The following VASH2 variants were observed in gnomAD, a reference collection of about 807,000 sequenced individuals.
VASH2 encodes tubulinyl-Tyr carboxypeptidase 2.
VASH2 carries 28 observed loss-of-function variants against 37.2 expected under a neutral mutation model. The ratio of observed to expected loss-of-function variants is 0.75; its 90% confidence interval spans 0.56 to 1.03. The LOEUF is 1.03. Among genes scored for constraint, VASH2 ranks in the 50% least tolerant of loss-of-function variants. The pLI is 0.00. For missense variants in VASH2, 419 were observed against 459.1 expected (o/e 0.91, Z 0.80); for synonymous variants, 188 against 174.7 (o/e 1.08, Z -0.60).
intron 2 of VASH2, chr1:212,952,409 ACT>A (rs139389133): frequency 4.0e-5 from 6 of 151,070 alleles, no homozygotes; most frequent in Admixed American, 2.6e-4. Context: ...AAAACGGTGA[ACT>A]CTCTCTCTCT....
intron 6 of VASH2, 86 bp from the exon 7 acceptor site, chr1:212,973,869 G>C: frequency 6.6e-7 from 1 of 1,511,952 alleles, no homozygotes; most frequent in South Asian, 1.3e-5. Flanking sequence ...TGATTGGGCT[G>C]GGGGGTGGAA....
At chr1:212,968,834 T>C in intron 5 of VASH2, 1 of 985,426 alleles carries the variant, frequency 1.0e-6, no homozygotes. Flanking sequence ...GCCCAGGCCC[T>C]TCATGGGGTA....
chr1:212,977,283 T>G (rs1450048369), intron 7 of VASH2, among the ~76,000 whole-genome samples: 1 of 152,212 alleles, frequency 6.6e-6, no homozygotes, highest in African/African-American at 2.4e-5. Flanking sequence ...TTGAGCAAGC[T>G]GCTTCTCTGT....
At chr1:212,982,909 A>C (rs1465633153) in intron 7 of VASH2, among the ~76,000 whole-genome samples, 1 of 152,212 alleles carries the variant, frequency 6.6e-6, no homozygotes, top group Non-Finnish European at 1.5e-5. Context: ...ATGAGTAGGC[A>C]GGTTCCCCAC....
Position 212,951,749 on chromosome 1 carries a change from C to A in VASH2, c.207C>A (p.His69Gln), listed in dbSNP as rs1466358524. The A allele has an allele frequency of 2.5e-6, 4 of 1,608,288 alleles. No individual in the cohort carries two copies. Among genetic ancestry groups the A allele is most frequent in the East Asian group, 2.2e-5 (1 of 44,672 alleles). The change falls in exon 2 of 8, where the codon CAC (histidine) becomes CAA (glutamine). Residue 69 changes from histidine (H) to glutamine (Q), a missense_variant. His to Gln is a conservative substitution (Grantham distance 24). Transcript: ENST00000517399. This position sits in a 1 kb window ranked among gnomAD's most constrained non-coding sequence, Gnocchi z 4.4. The stretch of plus-strand genomic sequence containing the variant: ...ACACCTGGGAGCGCATGTGGATGCA[C>A]GTGGCCAAGGTGCACCCTAAGGGGG... ...DSHTWERMWMHVAKVHPKGGE... is the reference protein window; with the variant it reads ...DSHTWERMWMQVAKVHPKGGE...
chr1:212,985,106 C>G (rs1055422452), intron 7 of VASH2, among the ~76,000 whole-genome samples: 40 of 151,806 alleles, frequency 2.6e-4, no homozygotes, highest in South Asian at 2.1e-4. Flanking sequence ...ACCGCAACCT[C>G]CACCTCCTAG....
chr1:212,973,832 C>A (rs1476639146), intron 6 of VASH2, 123 bp from the exon 7 acceptor site: 1 of 1,444,024 alleles, frequency 6.9e-7, no homozygotes, highest in Non-Finnish European at 9.1e-7. Flanking sequence ...AGTCTTCCTG[C>A]TCAATGCCTT....
rs147838895 is a variant in VASH2 at position 212,951,771 on chromosome 1, G to A, written c.229G>A (p.Gly77Arg). The A allele has an allele frequency of 3.5e-5, 57 of 1,608,976 alleles. No homozygotes were observed. The highest frequency in any genetic ancestry group is 5.1e-5 in the Admixed American group (3 of 59,264). Residue 77 changes from glycine (G) to arginine (R), a missense_variant, in exon 2 of 8, where the codon GGG becomes AGG. By Grantham distance (125) the Gly-to-Arg change is moderately radical. This residue lies in a region of VASH2 where 158 missense variants were observed against 163.0 expected (regional missense o/e 0.97). Transcript: ENST00000517399. This position sits in a 1 kb window ranked among gnomAD's most constrained non-coding sequence, Gnocchi z 4.4. The stretch of plus-strand genomic sequence containing the variant: ...GCACGTGGCCAAGGTGCACCCTAAG[G>A]GGGGAGAAATGGTGGGCGCCATCAG... Reference protein sequence around the residue: ...WMHVAKVHPKGGEMVGAIRNA... With the variant: ...WMHVAKVHPKRGEMVGAIRNA...
rs543533201 is a variant in VASH2, at chr1:212,988,350, CAAG to C, written c.996-158_996-156del. On this transcript the variant is annotated intron_variant, in intron 7 of 7. Coordinates refer to ENST00000517399, the MANE Select transcript of VASH2 (RefSeq NM_001301056.2). ...AAACCTTTAAAGGTGGACTTAAGAA[CAAG>C]AAGTAGAGTTGTGAGCTAAGGCTGG... Among the ~76,000 whole-genome samples, 5 of 152,232 alleles carry C rather than the reference CAAG, an allele frequency of 3.3e-5. No homozygotes were observed. The South Asian group carries it at 6.2e-4, about 19-fold the overall frequency.
chr1:212,972,556 C>T (rs1319380408), intron 5 of VASH2, 24 bp from the exon 6 acceptor site: 2 of 1,596,460 alleles, frequency 1.3e-6, no homozygotes, highest in African/African-American at 2.7e-5. Context: ...CCTCCTTTCT[C>T]TTCCTTGACT....
At chr1:212,966,240 C>T (rs1291502387) in intron 4 of VASH2, 31 bp from the exon 5 acceptor site, 3 of 1,542,970 alleles carry the variant, frequency 1.9e-6, no homozygotes, top group Non-Finnish European at 2.6e-6. Context: ...TAAATAGGTT[C>T]TGAGATCCTC....
In VASH2 at chr1:212,968,564, A is replaced by G. The variant is rs541660776; in HGVS notation, c.497+2219A>G. 1.3e-5 allele frequency: 13 copies of G among 985,496 alleles called. No individual in the cohort carries two copies. The South Asian group carries it at 3.8e-4, about 28-fold the overall frequency. The allele number at this position is 985,496 out of a possible 1,614,324, so 61.0% of individuals were successfully genotyped here. A position where few individuals can be genotyped will look rare whatever the true frequency, so the allele number is the denominator to read the frequency against. On this transcript the variant is annotated intron_variant, in intron 5 of 7. Coordinates refer to ENST00000517399, the MANE Select transcript of VASH2 (RefSeq NM_001301056.2). The stretch of plus-strand genomic sequence containing the variant: ...GCCTTGGCTGACATTTGAAAAATGG[A>G]AACTTGAACCTTACTGAGGCCCCTC...
intron 2 of VASH2, among the ~76,000 whole-genome samples, chr1:212,957,224 T>C (rs1666524730): frequency 6.6e-6 from 1 of 152,262 alleles, no homozygotes; most frequent in Non-Finnish European, 1.5e-5. Context: ...AAAGGCTGAA[T>C]CGTGTTCCAC....
intron 7 of VASH2, among the ~76,000 whole-genome samples, chr1:212,974,312 G>C (rs529608713): frequency 6.6e-6 from 1 of 152,308 alleles, no homozygotes; most frequent in South Asian, 2.1e-4. Flanking sequence ...GGCAGAATGA[G>C]GTGAAGAATA....
At position 212,971,731 on chromosome 1, in the gene VASH2, C is replaced by CTTGTGG. The variant is rs1667017106; in HGVS notation, c.498-849_498-848insTTGTGG. Among the ~76,000 whole-genome samples the CTTGTGG allele has an allele frequency of 6.6e-6, 1 of 152,092 alleles. No individual in the cohort carries two copies. The highest frequency in any genetic ancestry group is 6.5e-5 in the Admixed American group (1 of 15,270). ...CGAGAGCAGAGGACAAGGCTGCCGC[C>CTTGTGG]AGTGCTGTGGATGGATTCTGTCAGC... On this transcript the variant is annotated intron_variant, in intron 5 of 7. Coordinates refer to ENST00000517399, the MANE Select transcript of VASH2 (RefSeq NM_001301056.2). The surrounding 1 kb of genome is among the most constrained non-coding windows in gnomAD (Gnocchi z 4.0).
At chr1:212,987,321 A>G (rs1667509059) in intron 7 of VASH2, among the ~76,000 whole-genome samples, 1 of 151,246 alleles carries the variant, frequency 6.6e-6, no homozygotes, top group South Asian at 2.1e-4. Flanking sequence ...CACACCTGTA[A>G]TCCCAGCACT....
Position 212,972,628 on chromosome 1 carries a change from TA to T in VASH2, c.550del (p.Thr184ProfsTer26). 6.2e-7 allele frequency: 1 copy of T among 1,614,182 alleles called. No homozygotes were observed. The highest frequency in any genetic ancestry group is 8.5e-7 in the Non-Finnish European group (1 of 1,180,036). On this transcript the variant is annotated frameshift_variant, in exon 6 of 8. Coordinates refer to ENST00000517399, the MANE Select transcript of VASH2 (RefSeq NM_001301056.2). LOFTEE classifies it high-confidence loss of function. ...CCATTGAGCGGTTCCCCATCAGCTT[TA>T]AAACCTACTTCTCAGGAAACTACTT... ...PSIERFPISF[K>X]TYFSGNYFHH... is the part of the protein sequence containing the mutation.
chr1:212,978,431 C>T (rs1667243155), intron 7 of VASH2, among the ~76,000 whole-genome samples: 1 of 152,164 alleles, frequency 6.6e-6, no homozygotes, highest in South Asian at 2.1e-4. Flanking sequence ...GGAAGACCTG[C>T]AGGAAGAGGG....
At chr1:212,959,687 C>A (rs1666611325) in intron 2 of VASH2, among the ~76,000 whole-genome samples, 1 of 152,250 alleles carries the variant, frequency 6.6e-6, no homozygotes, top group South Asian at 2.1e-4. Flanking sequence ...CAGCCTCACA[C>A]TGGGGCTGGC....
Sources: allele counts gnomAD v4.1 joint callset (sites outside exome capture counted in the v4.1 genomes callset), GRCh38; gene constraint gnomAD v4.1.1; regional missense constraint gnomAD v4.1.1; non-coding constraint Gnocchi (gnomAD v3.1); transcripts MANE v1.5; gene names NCBI Gene and HGNC (gene_info 2026-07-23, HGNC 2026-07-21).